Variants in LHFPL6 observed in about 807,000 individuals in gnomAD.
LHFPL6 encodes the protein LHFPL tetraspan subfamily member 6.
Under a neutral mutation model 20.6 loss-of-function variants are expected in LHFPL6, and 9 were observed. The ratio of observed to expected loss-of-function variants is 0.44; its 90% CI spans 0.26 to 0.76. LHFPL6 has a LOEUF of 0.76. Among genes scored for constraint, LHFPL6 ranks in the 30% least tolerant of loss-of-function variants. LHFPL6 has a pLI of 0.20. For synonymous variants in LHFPL6, 105 were observed against 98.7 expected, an observed-to-expected ratio of 1.06 and a Z score of -0.38; for missense variants, 218 against 253.5, an observed-to-expected ratio of 0.86 and a Z score of 0.95.
intron 2 of LHFPL6, among the ~76,000 whole-genome samples, chr13:39,562,349 T>C (rs569156725): frequency 2.7e-5 from 4 of 147,978 alleles, no homozygotes; most frequent in East Asian, 2.0e-4. Flanking sequence ...TGTATATATA[T>C]ACATATATAT....
chr13:39,491,109 T>G (rs1868911267), intron 2 of LHFPL6, among the ~76,000 whole-genome samples: 1 of 152,190 alleles, frequency 6.6e-6, no homozygotes, highest in Non-Finnish European at 1.5e-5. Context: ...CAAGACTTTA[T>G]AGTATAGAAA....
intron 2 of LHFPL6, among the ~76,000 whole-genome samples, chr13:39,571,483 G>C (rs1397848124): frequency 1.3e-5 from 2 of 152,172 alleles, no homozygotes; most frequent in Non-Finnish European, 2.9e-5. Context: ...CTGACATCAG[G>C]GAAGATGACC....
chr13:39,580,113 T>C (rs1217181734), intron 2 of LHFPL6, among the ~76,000 whole-genome samples: 2 of 152,162 alleles, frequency 1.3e-5, no homozygotes, highest in African/African-American at 4.8e-5. Flanking sequence ...TCAGTGGTTA[T>C]GCAAAAGAGA....
At chr13:39,517,299 C>A (rs1399255720) in intron 2 of LHFPL6, among the ~76,000 whole-genome samples, 1 of 152,282 alleles carries the variant, frequency 6.6e-6, no homozygotes, top group Admixed American at 6.5e-5. Context: ...AGCCAGTGAA[C>A]TTTCATAGTA....
intron 3 of LHFPL6, among the ~76,000 whole-genome samples, chr13:39,371,550 T>G (rs1870167461): frequency 6.6e-6 from 1 of 152,212 alleles, no homozygotes. Flanking sequence ...TTTATACTGT[T>G]TTATTCTCTC....
intron 2 of LHFPL6, among the ~76,000 whole-genome samples, chr13:39,454,537 G>C (rs1407502268): frequency 1.4e-5 from 1 of 71,846 alleles, no homozygotes; most frequent in Non-Finnish European, 2.5e-5. Flanking sequence ...GCTGAGGCAG[G>C]AGAATGGCGT....
intron 2 of LHFPL6, among the ~76,000 whole-genome samples, chr13:39,415,309 A>G (rs1392809704): frequency 2.0e-5 from 3 of 152,222 alleles, no homozygotes; most frequent in Non-Finnish European, 4.4e-5. Context: ...AAAAGCTTGC[A>G]TACTACTATA....
intron 3 of LHFPL6, among the ~76,000 whole-genome samples, chr13:39,365,606 G>T (rs1164974750): frequency 6.6e-6 from 1 of 152,116 alleles, no homozygotes; most frequent in Non-Finnish European, 1.5e-5. Flanking sequence ...ATGAAAGCAA[G>T]TCTCGGAACA....
At chr13:39,562,347 T>C (rs1326449160) in intron 2 of LHFPL6, among the ~76,000 whole-genome samples, 1 of 147,592 alleles carries the variant, frequency 6.8e-6, no homozygotes, top group African/African-American at 2.5e-5. Flanking sequence ...TGTGTATATA[T>C]ATACATATAT....
chr13:39,590,865 G>A (rs1182171873), intron 2 of LHFPL6, among the ~76,000 whole-genome samples: 2 of 152,168 alleles, frequency 1.3e-5, no homozygotes, highest in Admixed American at 6.5e-5. Flanking sequence ...TTGCATTTCA[G>A]TCTGTTAGTG....
intron 2 of LHFPL6, among the ~76,000 whole-genome samples, chr13:39,500,238 G>C (rs1869247062): frequency 6.6e-6 from 1 of 151,912 alleles, no homozygotes. Context: ...GTCTTGCTCT[G>C]TTGCCCAGGC....
intron 2 of LHFPL6, among the ~76,000 whole-genome samples, chr13:39,499,890 C>G (rs563161373): frequency 8.5e-5 from 13 of 152,354 alleles, no homozygotes; most frequent in African/African-American, 2.9e-4. Flanking sequence ...CTGAAACGGT[C>G]ATGCCTGACA....
chr13:39,366,202 G>A (rs112099795), intron 3 of LHFPL6, among the ~76,000 whole-genome samples: 2 of 152,290 alleles, frequency 1.3e-5, no homozygotes, highest in East Asian at 1.9e-4. Context: ...ACTATGACTG[G>A]ATGGATGCTT....
intron 2 of LHFPL6, among the ~76,000 whole-genome samples, chr13:39,524,636 G>A (rs1041767767): frequency 6.6e-6 from 1 of 152,170 alleles, no homozygotes; most frequent in Non-Finnish European, 1.5e-5. Context: ...TCTTCTTTTA[G>A]TGAAAGCACT....
chr13:39,366,353 C>A (rs1351497596), intron 3 of LHFPL6, among the ~76,000 whole-genome samples: 1 of 152,108 alleles, frequency 6.6e-6, no homozygotes, highest in Non-Finnish European at 1.5e-5. Context: ...TCTAATTCTA[C>A]CAATAAAAGT....
intron 2 of LHFPL6, among the ~76,000 whole-genome samples, chr13:39,583,038 G>A (rs1278110046): frequency 2.6e-5 from 4 of 151,996 alleles, no homozygotes; most frequent in Non-Finnish European, 5.9e-5. Context: ...GAAATAGTGC[G>A]GTGATTAAAA....
chr13:39,395,410 C>T (rs1014031550), intron 2 of LHFPL6, among the ~76,000 whole-genome samples: 1 of 152,142 alleles, frequency 6.6e-6, no homozygotes, highest in Non-Finnish European at 1.5e-5. Context: ...TAGGACTTTT[C>T]CCCTTGGGCT....
intron 2 of LHFPL6, among the ~76,000 whole-genome samples, chr13:39,394,516 C>T (rs1870794939): frequency 6.6e-6 from 1 of 152,114 alleles, no homozygotes; most frequent in South Asian, 2.1e-4. Context: ...GAAAATATTC[C>T]TAAAATCAAA....
intron 2 of LHFPL6, among the ~76,000 whole-genome samples, chr13:39,459,758 C>A (rs1368199196): frequency 6.6e-6 from 1 of 152,148 alleles, no homozygotes; most frequent in Non-Finnish European, 1.5e-5. Flanking sequence ...AAAGTTGAAG[C>A]TATAAACATG....
Sources: gnomAD v4.1 joint callset for allele counts (sites outside exome capture counted in the v4.1 genomes callset) on GRCh38, gnomAD v4.1.1 for gene constraint, MANE v1.5 for transcripts, NCBI Gene and HGNC (gene_info 2026-07-23, HGNC 2026-07-21) for gene names.